Variants in PBX1 observed in about 807,000 individuals in gnomAD.
The protein encoded by PBX1 is PBX homeobox 1.
PBX1 carries 6 observed loss-of-function variants against 53.4 expected under a neutral mutation model. The observed-to-expected ratio is 0.11, with a 90% CI of 0.06 to 0.22. The LOEUF is 0.22. Among genes scored for constraint, PBX1 ranks in the 10% least tolerant of loss-of-function variants. The probability of loss-of-function intolerance (pLI) is 1.00; values close to 1 mark genes in which losing one functional copy is unlikely to be tolerated. For missense variants in PBX1, 251 were observed against 551.4 expected (o/e 0.46, Z 5.46); for synonymous variants, 204 against 212.3 (o/e 0.96, Z 0.34).
intron 2 of PBX1, among the ~76,000 whole-genome samples, chr1:164,871,371 C>T (rs1369660798): frequency 6.6e-6 from 1 of 152,172 alleles, no homozygotes; most frequent in Non-Finnish European, 1.5e-5. Context: ...TATATTACTG[C>T]CTCCAACTTA....
At chr1:164,750,165 TG>T in intron 2 of PBX1, among the ~76,000 whole-genome samples, 1 of 151,362 alleles carries the variant, frequency 6.6e-6, no homozygotes, top group Non-Finnish European at 1.5e-5. Context: ...TGTGTGTGTG[TG>T]TGTGTGTGTG....
At chr1:164,734,149 C>G (rs974841467) in intron 2 of PBX1, among the ~76,000 whole-genome samples, 1 of 152,180 alleles carries the variant, frequency 6.6e-6, no homozygotes, top group African/African-American at 2.4e-5. Context: ...ACTTTACATA[C>G]ATTTCAAATA....
intron 6 of PBX1, chr1:164,819,628 T>C (rs957506442): frequency 6.5e-6 from 1 of 154,214 alleles, no homozygotes; most frequent in African/African-American, 2.4e-5. Context: ...CAATGACATA[T>C]TTAGAATCCA....
At chr1:164,792,890 C>G (rs1434760133) in intron 3 of PBX1, 152 bp downstream of exon 3, 4 of 640,818 alleles carry the variant, frequency 6.2e-6, no homozygotes, top group Non-Finnish European at 1.1e-5. Context: ...AGAGCCCTGG[C>G]CAAACTTGAG....
chr1:164,875,350 T>C (rs1672479001), intron 2 of PBX1, among the ~76,000 whole-genome samples: 1 of 152,196 alleles, frequency 6.6e-6, no homozygotes, highest in South Asian at 2.1e-4. Flanking sequence ...TTGCCCAGGC[T>C]AGAGTGCAGT....
intron 2 of PBX1, among the ~76,000 whole-genome samples, chr1:164,579,786 A>G (rs943182935): frequency 6.6e-6 from 1 of 152,206 alleles, no homozygotes; most frequent in Non-Finnish European, 1.5e-5. Context: ...GTGATGTTTC[A>G]TACTTTCCTG....
chr1:164,603,929 A>ATTTCATTTTTTTTTTTTTTTTTTT (rs1656369037), intron 2 of PBX1, among the ~76,000 whole-genome samples: 1 of 75,742 alleles, frequency 1.3e-5, no homozygotes, highest in African/African-American at 6.2e-5. Flanking sequence ...ATGTCATTTC[A>ATTTCATTTTTTTTTTTTTTTTTTT]TTTTTTTTTT....
intron 2 of PBX1, chr1:164,651,930 G>GGTGTGTGTGTGTGTGTGT (rs57772161): frequency 4.2e-5 from 6 of 144,164 alleles, no homozygotes; most frequent in East Asian, 2.1e-4. Flanking sequence ...ATGGAGGGAG[G>GGTGTGTGTGTGTGTGTGT]GTGTGTGTGT....
intron 1 of PBX1, among the ~76,000 whole-genome samples, chr1:164,560,662 A>G (rs1399699852): frequency 6.6e-6 from 1 of 152,158 alleles, no homozygotes; most frequent in Non-Finnish European, 1.5e-5. Context: ...TTTTTTAAAA[A>G]GTTGATGAAA....
At chr1:164,627,732 G>A (rs1658137945) in intron 2 of PBX1, among the ~76,000 whole-genome samples, 1 of 152,168 alleles carries the variant, frequency 6.6e-6, no homozygotes, top group Non-Finnish European at 1.5e-5. Context: ...AAGCCAGGCA[G>A]GCATTCATGG....
chr1:164,689,075 G>A (rs1190503052), intron 2 of PBX1, among the ~76,000 whole-genome samples: 1 of 152,208 alleles, frequency 6.6e-6, no homozygotes, highest in African/African-American at 2.4e-5. Flanking sequence ...ATGAGTAATT[G>A]GGACTCGCCA....
In PBX1 at chr1:164,625,453, T is replaced by C. The variant is rs576513125; in HGVS notation, c.265+62142T>C. ...TCTCTCTTTCCCCGTACATTTTTAT[T>C]GTACGCAGAAAGACAGAAGAAGGAA... On this transcript the variant is annotated intron_variant, in intron 2 of 8. Transcript: ENST00000420696. Among the ~76,000 whole-genome samples the C allele has an allele frequency of 3.3e-5, 5 of 152,318 alleles. No homozygotes were observed. In the South Asian group the frequency reaches 1.0e-3, roughly 32 times the overall value.
At chr1:164,637,995 C>G (rs950427645) in intron 2 of PBX1, among the ~76,000 whole-genome samples, 4 of 152,212 alleles carry the variant, frequency 2.6e-5, no homozygotes, top group African/African-American at 9.6e-5. Context: ...CCATCGTGCT[C>G]TGGGGACCAT....
chr1:164,867,158 G>A (rs750606582), intron 2 of PBX1, among the ~76,000 whole-genome samples: 13 of 152,216 alleles, frequency 8.5e-5, no homozygotes, highest in Non-Finnish European at 1.8e-4. Flanking sequence ...TTAGGAACTG[G>A]GAGGTCTTGA....
intron 6 of PBX1, chr1:164,813,085 T>G (rs1223230407): frequency 6.6e-6 from 1 of 152,058 alleles, no homozygotes; most frequent in Non-Finnish European, 1.5e-5. Context: ...TGTCTAACAT[T>G]TTTTAGAGTA....
intron 2 of PBX1, among the ~76,000 whole-genome samples, chr1:164,739,260 T>C (rs917451629): frequency 3.3e-5 from 5 of 152,230 alleles, no homozygotes; most frequent in African/African-American, 1.2e-4. Context: ...TTCATTTGCC[T>C]AAAATGGGCT....
At position 164,848,460 on chromosome 1, in the gene PBX1, T is replaced by G; in HGVS notation, c.*1784T>G. 4.7e-6 allele frequency: 5 copies of G among 1,057,208 alleles called. No homozygotes were observed. The highest frequency in any genetic ancestry group is 5.7e-6 in the Non-Finnish European group (5 of 874,190). 65.5% of individuals were successfully genotyped at this position (1,057,208 alleles called of 1,614,324 possible). ...TCTGTAAATGCGAAGTCAGGGGAAG[T>G]AATGTCCCTGAAATAAACGGGTTCA... is the stretch of plus-strand genomic sequence containing the variant. On this transcript the variant is annotated 3_prime_UTR_variant, in exon 9 of 9. Transcript: ENST00000420696.
intron 2 of PBX1, among the ~76,000 whole-genome samples, chr1:164,708,327 T>C (rs554498660): frequency 1.3e-5 from 2 of 152,342 alleles, no homozygotes; most frequent in Non-Finnish European, 2.9e-5. Flanking sequence ...ATTTATCAGA[T>C]GACTGTTATG....
intron 2 of PBX1, among the ~76,000 whole-genome samples, chr1:164,857,864 G>A (rs565518844): frequency 2.0e-5 from 3 of 152,288 alleles, no homozygotes; most frequent in African/African-American, 7.2e-5. Flanking sequence ...GAATTACAGG[G>A]AGGATTAAGT....
Sources: gnomAD v4.1 joint callset for allele counts (sites outside exome capture counted in the v4.1 genomes callset) on GRCh38, gnomAD v4.1.1 for gene constraint, MANE v1.5 for transcripts, NCBI Gene and HGNC (gene_info 2026-07-23, HGNC 2026-07-21) for gene names.